EXOC6: variants seen among roughly 807,000 people sequenced by gnomAD.
The protein encoded by EXOC6 is SEC15-like 1.
A neutral mutation model predicts 112.5 loss-of-function variants in EXOC6; 60 were observed. That is an observed-to-expected ratio of 0.53 (90% CI 0.43 to 0.66). The LOEUF (loss-of-function observed/expected upper bound fraction) is 0.66, where lower values mean the gene tolerates loss of function less well. Ranked by LOEUF, EXOC6 falls within the 30% of genes least tolerant of loss-of-function variation. The pLI is 0.00. For synonymous variants in EXOC6, 295 were observed against 308.0 expected, an observed-to-expected ratio of 0.96 and a Z score of 0.44; for missense variants, 855 against 957.1, an observed-to-expected ratio of 0.89 and a Z score of 1.41.
chr10:92,983,740 C>G (rs1373925750), intron 18 of EXOC6, among the ~76,000 whole-genome samples: 1 of 152,052 alleles, frequency 6.6e-6, no homozygotes, highest in Non-Finnish European at 1.5e-5. Flanking sequence ...CTCCTGGCCT[C>G]AAGTGATCCA....
At chr10:92,964,374 A>G (rs865829408) in intron 17 of EXOC6, among the ~76,000 whole-genome samples, 63 of 152,146 alleles carry the variant, frequency 4.1e-4, no homozygotes, top group Middle Eastern at 6.8e-3. Flanking sequence ...TAGTAGTGAC[A>G]TTGGATAATG....
At chr10:92,971,323 C>T (rs548452286) in intron 17 of EXOC6, among the ~76,000 whole-genome samples, 7 of 151,426 alleles carry the variant, frequency 4.6e-5, no homozygotes, top group South Asian at 2.1e-4. Flanking sequence ...GGATTACAGG[C>T]GTGAGGCACC....
chr10:92,932,697 G>A (rs1046549740), intron 9 of EXOC6, among the ~76,000 whole-genome samples: 4 of 152,102 alleles, frequency 2.6e-5, no homozygotes, highest in African/African-American at 9.6e-5. Flanking sequence ...TCAAACAAAA[G>A]GAATGTGATG....
At chr10:92,947,843 G>A (rs1853130027) in intron 13 of EXOC6, among the ~76,000 whole-genome samples, 1 of 152,162 alleles carries the variant, frequency 6.6e-6, no homozygotes, top group South Asian at 2.1e-4. Flanking sequence ...GATGGAGGTT[G>A]CAGTGAGCCG....
intron 20 of EXOC6, among the ~76,000 whole-genome samples, chr10:93,047,663 A>G (rs1846063570): frequency 6.8e-6 from 1 of 147,466 alleles, no homozygotes; most frequent in African/African-American, 2.5e-5. Flanking sequence ...ATTGTGAGAG[A>G]GAGGCCAGGC....
intron 6 of EXOC6, among the ~76,000 whole-genome samples, chr10:92,914,489 G>C (rs1249822088): frequency 6.6e-6 from 1 of 152,114 alleles, no homozygotes. Flanking sequence ...AGGAACATCT[G>C]TTTTTACTGT....
At chr10:92,910,260 G>A (rs143371308) in intron 6 of EXOC6, among the ~76,000 whole-genome samples, 6 of 152,136 alleles carry the variant, frequency 3.9e-5, no homozygotes, top group African/African-American at 1.2e-4. Context: ...CACAAATGGT[G>A]GTATATTCAT....
intron 18 of EXOC6, among the ~76,000 whole-genome samples, chr10:92,977,567 A>G (rs1842675739): frequency 6.6e-6 from 1 of 152,176 alleles, no homozygotes; most frequent in South Asian, 2.1e-4. Flanking sequence ...TGCTTTTTAT[A>G]TAGTTTATAC....
At chr10:93,041,928 CT>C (rs1454811418) in intron 20 of EXOC6, among the ~76,000 whole-genome samples, 3 of 151,978 alleles carry the variant, frequency 2.0e-5, no homozygotes, top group African/African-American at 7.3e-5. Context: ...CCAGGCTGGT[CT>C]TGAACTGCTG....
rs60863083 is a variant in EXOC6, at chr10:92,827,474, C to CAAAAAAAAAAAAAAAAAAAA, written c.-27+543_-27+562dup. 9.0e-5 allele frequency among the ~76,000 whole-genome samples: 3 copies of CAAAAAAAAAAAAAAAAAAAA among 33,208 alleles called. 1 individual carries two copies. The highest frequency in any genetic ancestry group is 1.3e-4 in the African/African-American group (1 of 7,450). 21.8% of individuals were successfully genotyped at this position (33,208 alleles called of 152,430 possible). On this transcript the variant is annotated intron_variant, in intron 1 of 22. Coordinates refer to the EXOC6 transcript ENST00000671701. The stretch of plus-strand genomic sequence containing the variant: ...GGGCGACAGAGTGAGGCCCTGTTGC[C>CAAAAAAAAAAAAAAAAAAAA]AAAAAAAAAAAAAAAAAAAAAAAAA...
intron 1 of EXOC6, among the ~76,000 whole-genome samples, chr10:92,842,982 CCT>C (rs1247943147): frequency 6.6e-6 from 1 of 152,038 alleles, no homozygotes; most frequent in African/African-American, 2.4e-5. Context: ...ATGAGCCAGC[CCT>C]GTCTGAGAGC....
intron 17 of EXOC6, among the ~76,000 whole-genome samples, chr10:92,972,678 T>A (rs971114421): frequency 2.0e-5 from 3 of 152,196 alleles, no homozygotes; most frequent in African/African-American, 7.2e-5. Flanking sequence ...CCAGCATGGT[T>A]TACACCCTGT....
At chr10:92,969,339 A>C (rs775283017) in intron 17 of EXOC6, among the ~76,000 whole-genome samples, 1 of 152,142 alleles carries the variant, frequency 6.6e-6, no homozygotes, top group Non-Finnish European at 1.5e-5. Context: ...AGATGATTCT[A>C]ATCCCCAGCT....
intron 9 of EXOC6, among the ~76,000 whole-genome samples, chr10:92,932,152 A>G (rs931428222): frequency 6.6e-6 from 1 of 152,188 alleles, no homozygotes; most frequent in Admixed American, 6.5e-5. Flanking sequence ...AGTGATATGG[A>G]TGAATCTCAA....
chr10:93,017,263 G>A (rs866963438), intron 20 of EXOC6, among the ~76,000 whole-genome samples: 1 of 152,100 alleles, frequency 6.6e-6, no homozygotes, highest in South Asian at 2.1e-4. Context: ...AGACTCAAAA[G>A]GGGGAGGGTG....
At chr10:92,954,917 C>T (rs1853606759) in intron 16 of EXOC6, among the ~76,000 whole-genome samples, 176 bp downstream of exon 16, 1 of 152,124 alleles carries the variant, frequency 6.6e-6, no homozygotes, top group African/African-American at 2.4e-5. Flanking sequence ...GGATCCCAGG[C>T]ACAGTGGCTC....
rs1367328018 is a variant in EXOC6, at chr10:92,893,397, G to T, written c.150G>T (p.Lys50Asn). Residue 50 changes from lysine (K) to asparagine (N), a missense_variant, in exon 2 of 22, where the codon AAG becomes AAT. This residue lies in a region of EXOC6 where 405 missense variants were observed against 393.6 expected (regional missense o/e 1.03). Transcript: ENST00000260762. Reference protein sequence around the residue: ...QPNAHKKFMEKLDACIRNHDK... With the variant: ...QPNAHKKFMENLDACIRNHDK... ...ATGCGCACAAGAAGTTTATGGAAAA[G>T]TTAGATGCTTGTATCCGTAATCATG... The T allele has an allele frequency of 1.9e-6, 3 of 1,612,748 alleles. No individual in the cohort carries two copies. The highest frequency in any genetic ancestry group is 2.2e-5 in the East Asian group (1 of 44,778).
intron 15 of EXOC6, among the ~76,000 whole-genome samples, chr10:92,952,603 C>G (rs1853483060): frequency 6.6e-6 from 1 of 152,130 alleles, no homozygotes; most frequent in African/African-American, 2.4e-5. Flanking sequence ...TCAACCCCTG[C>G]CTCCCCTTCT....
intron 1 of EXOC6, among the ~76,000 whole-genome samples, chr10:92,859,984 A>G (rs79365026): frequency 0.011 from 1,649 of 152,218 alleles, 32 homozygotes; most frequent in African/African-American, 0.037. Flanking sequence ...GGAAGCTACT[A>G]TATACTCCAG....
Sources: gnomAD v4.1 joint callset for allele counts (sites outside exome capture counted in the v4.1 genomes callset) on GRCh38, gnomAD v4.1.1 for gene constraint, gnomAD v4.1.1 regional missense constraint, MANE v1.5 for transcripts, NCBI Gene and HGNC (gene_info 2026-07-23, HGNC 2026-07-21) for gene names.